CPED1: variants seen among roughly 807,000 people sequenced by gnomAD.
The protein encoded by CPED1 is cadherin-like and PC-esterase domain-containing protein 1.
Under a neutral mutation model 128.2 loss-of-function variants are expected in CPED1, and 114 were observed. The observed-to-expected ratio is 0.89, with a 90% CI of 0.76 to 1.04. CPED1 has a LOEUF of 1.04. CPED1 is among the 50% of genes least tolerant of loss of function. The probability of loss-of-function intolerance (pLI) is 0.00; values close to 1 mark genes in which losing one functional copy is unlikely to be tolerated. For synonymous variants in CPED1, 462 were observed against 426.7 expected, an observed-to-expected ratio of 1.08 and a Z score of -1.02; for missense variants, 1,211 against 1,207.1, an observed-to-expected ratio of 1.00 and a Z score of -0.05.
At chr7:121,236,960 G>A (rs1798273821) in intron 17 of CPED1, 129 bp downstream of exon 17, 2 of 451,884 alleles carry the variant, frequency 4.4e-6, no homozygotes, top group East Asian at 6.7e-5. Flanking sequence ...GAACTATAAA[G>A]CATATAATTA....
chr7:121,181,664 A>G (rs1177026974), intron 16 of CPED1, among the ~76,000 whole-genome samples: 8 of 152,242 alleles, frequency 5.3e-5, no homozygotes, highest in Admixed American at 3.3e-4. Context: ...TGTTGTTTGC[A>G]TGAATAGATT....
intron 16 of CPED1, among the ~76,000 whole-genome samples, chr7:121,186,032 T>G (rs936276304): frequency 6.6e-6 from 1 of 152,206 alleles, no homozygotes; most frequent in Non-Finnish European, 1.5e-5. Context: ...ATAATAATTT[T>G]TTTCCACTGG....
chr7:121,064,122 G>A (rs1253152637), intron 4 of CPED1, 116 bp from the exon 5 acceptor site: 3 of 653,858 alleles, frequency 4.6e-6, no homozygotes, highest in Admixed American at 2.2e-5. Flanking sequence ...AAGGTGGGGT[G>A]TGGGTGGTTT....
Position 121,142,142 on chromosome 7 carries a change from G to A in CPED1, c.2055+1G>A, listed in dbSNP as rs376687246. 4.4e-6 allele frequency: 7 copies of A among 1,592,540 alleles called. No individual in the cohort carries two copies. The African/African-American group carries it at 9.4e-5, about 21-fold the overall frequency. On this transcript the variant is annotated splice_donor_variant, in intron 16 of 22. Coordinates refer to ENST00000310396, the MANE Select transcript of CPED1 (RefSeq NM_024913.5). LOFTEE classifies it high-confidence loss of function. Reference sequence around the variant, plus strand: ...CTTCACAGCATGTGGTTTTGTGCAGGTAAGTGAAGTTTACATTTGCACTTG... The same window carrying A: ...CTTCACAGCATGTGGTTTTGTGCAGATAAGTGAAGTTTACATTTGCACTTG...
chr7:121,242,411 C>A (rs1756015811), intron 17 of CPED1, among the ~76,000 whole-genome samples: 1 of 152,062 alleles, frequency 6.6e-6, no homozygotes, highest in Non-Finnish European at 1.5e-5. Context: ...CAGAATATTC[C>A]TAGCATTTGG....
chr7:121,028,065 G>C (rs571495790), intron 3 of CPED1, among the ~76,000 whole-genome samples: 162 of 152,200 alleles, frequency 1.1e-3, no homozygotes, highest in African/African-American at 3.6e-3. Context: ...GCTCTACCAT[G>C]GTACCTACTG....
chr7:121,113,831 C>CT (rs1001772654), intron 7 of CPED1, among the ~76,000 whole-genome samples: 32 of 148,306 alleles, frequency 2.2e-4, no homozygotes, highest in Non-Finnish European at 2.4e-4. Context: ...TTATTTGAAA[C>CT]TTTTTTTTTT....
chr7:121,019,315 T>G (rs531395840), intron 3 of CPED1, among the ~76,000 whole-genome samples: 5 of 152,060 alleles, frequency 3.3e-5, no homozygotes, highest in Non-Finnish European at 7.4e-5. Context: ...AGGCATTAAT[T>G]GTTCTTAACT....
At chr7:121,047,718 T>C (rs148060366) in intron 4 of CPED1, among the ~76,000 whole-genome samples, 1,051 of 91,672 alleles carry the variant, frequency 0.011, 22 homozygotes, top group African/African-American at 0.041. Flanking sequence ...TCTTCTTCTT[T>C]TTTTTTTTTT....
At chr7:121,266,161 TTTA>T (rs1186370818) in intron 18 of CPED1, 63 bp from the exon 19 acceptor site, 2 of 1,267,858 alleles carry the variant, frequency 1.6e-6, no homozygotes, top group Non-Finnish European at 2.3e-6. Flanking sequence ...ATTTCATTAT[TTTA>T]AACTATCTCC....
intron 7 of CPED1, among the ~76,000 whole-genome samples, chr7:121,108,914 CA>C (rs1391404819): frequency 6.6e-6 from 1 of 152,020 alleles, no homozygotes. Context: ...ACAACAACAA[CA>C]AAAAAGATTT....
chr7:121,124,174 G>A (rs1460420558), intron 7 of CPED1, among the ~76,000 whole-genome samples, 157 bp from the exon 8 acceptor site: 1 of 152,100 alleles, frequency 6.6e-6, no homozygotes, highest in Non-Finnish European at 1.5e-5. Flanking sequence ...CAATATACCT[G>A]TATCTTAGAT....
At chr7:121,176,301 A>G (rs1796778224) in intron 16 of CPED1, among the ~76,000 whole-genome samples, 1 of 151,816 alleles carries the variant, frequency 6.6e-6, no homozygotes, top group African/African-American at 2.4e-5. Flanking sequence ...GGGAATATCC[A>G]TAAATAAATC....
intron 16 of CPED1, among the ~76,000 whole-genome samples, chr7:121,196,362 T>A (rs7808138): frequency 0.095 from 14,509 of 152,060 alleles, 1,084 homozygotes; most frequent in African/African-American, 0.21. Context: ...CCATTGTACC[T>A]TCTGACTGCT....
chr7:121,166,622 C>A (rs932729299), intron 16 of CPED1, among the ~76,000 whole-genome samples: 2 of 152,116 alleles, frequency 1.3e-5, no homozygotes, highest in African/African-American at 4.8e-5. Context: ...GCTCTTCTCC[C>A]TGCCAGTTCC....
chr7:121,221,035 G>A (rs909497161), intron 16 of CPED1, among the ~76,000 whole-genome samples: 1 of 151,820 alleles, frequency 6.6e-6, no homozygotes, highest in African/African-American at 2.4e-5. Flanking sequence ...TTGATACATA[G>A]GTATATGTGC....
intron 21 of CPED1, among the ~76,000 whole-genome samples, chr7:121,267,571 G>C (rs188117428): frequency 5.3e-4 from 80 of 152,112 alleles, no homozygotes; most frequent in Non-Finnish European, 8.2e-4. Context: ...TCTTTTTGAA[G>C]ATGATTTCCA....
chr7:121,087,282 T>G (rs1383075949), intron 5 of CPED1, among the ~76,000 whole-genome samples: 2 of 152,188 alleles, frequency 1.3e-5, no homozygotes, highest in African/African-American at 2.4e-5. Context: ...TCCTACTAAG[T>G]AACTCCCTCT....
Position 121,295,531 on chromosome 7 carries a change from GCAAACTA to G in CPED1, c.2964_2970del (p.Lys988AsnfsTer5). ...ATGGGAAGATATTTCAGCAATCAAA[GCAAACTA>G]CAACAAGGCACTGTAACAAATTTTC... is the stretch of plus-strand genomic sequence containing the variant. On this transcript the variant is annotated frameshift_variant, in exon 23 of 23. Coordinates refer to ENST00000310396, the MANE Select transcript of CPED1 (RefSeq NM_024913.5). LOFTEE classifies it high-confidence loss of function. The G allele has an allele frequency of 6.2e-7, 1 of 1,614,040 alleles. No homozygotes were observed. The highest frequency in any genetic ancestry group is 8.5e-7 in the Non-Finnish European group (1 of 1,179,914).
Sources: gnomAD v4.1 joint callset for allele counts (sites outside exome capture counted in the v4.1 genomes callset) on GRCh38, gnomAD v4.1.1 for gene constraint, MANE v1.5 for transcripts, NCBI Gene and HGNC (gene_info 2026-07-23, HGNC 2026-07-21) for gene names.